COL5A3: variants seen among roughly 807,000 people sequenced by gnomAD.
COL5A3 encodes the protein collagen alpha-3(V) chain.
In COL5A3, 172 loss-of-function variants were observed where a neutral mutation model predicts 250.0. The ratio of observed to expected loss-of-function variants is 0.69; its 90% CI spans 0.61 to 0.78. COL5A3 has a LOEUF of 0.78. COL5A3 is among the 30% of genes least tolerant of loss of function. The pLI is 0.00. For synonymous variants in COL5A3, 937 were observed against 900.4 expected, an observed-to-expected ratio of 1.04 and a Z score of -0.73; for missense variants, 2,340 against 2,334.4, an observed-to-expected ratio of 1.00 and a Z score of -0.05.
In COL5A3 at chr19:9,960,732, G is replaced by A; in HGVS notation, c.5010C>T (p.Arg1670=). 1.2e-6 allele frequency: 2 copies of A among 1,614,112 alleles called. No individual in the cohort carries two copies. The highest frequency in any genetic ancestry group is 1.7e-6 in the Non-Finnish European group (2 of 1,180,036). ...GCTCCTCTCCATTGGTGCCAAGGAA[G>A]CGGGCGGAGTGGCTGTAGTCACCCG... ...EATGDYSHSA[R]FLGTNGEELS... The change falls in exon 66 of 67, where the codon CGC becomes CGT. Residue 1670 remains arginine, a synonymous_variant. Transcript: ENST00000264828.
rs752761129 is a variant in COL5A3, at chr19:9,969,661, G to A, written c.4012C>T (p.Pro1338Ser). 1.3e-6 allele frequency: 2 copies of A among 1,587,868 alleles called. No individual in the cohort carries two copies. Among genetic ancestry groups the A allele is most frequent in the Non-Finnish European group, 1.7e-6 (2 of 1,173,282 alleles). Residue 1338 changes from proline (P) to serine (S), a missense_variant, in exon 56 of 67, where the codon CCC (proline) becomes TCC (serine). Pro to Ser is a moderately conservative substitution (Grantham distance 74). This residue lies in a region of COL5A3 where 1,179 missense variants were observed against 1,162.6 expected (regional missense o/e 1.01). Coordinates refer to ENST00000264828, the MANE Select transcript of COL5A3 (RefSeq NM_015719.4). ...CCCATTGGACCCGTCCTCCCTGGGGGCCCATCAGGACCTGGCTCCCCCTGA... is the reference window on the plus strand; with the variant it reads ...CCCATTGGACCCGTCCTCCCTGGGGACCCATCAGGACCTGGCTCCCCCTGA... The part of the protein sequence containing the change: ...GAKGEPGPDG[P>S]PGRTGPMGAR...
rs1021348083 is a variant in COL5A3, at chr19:9,995,922, A to G, written c.1533+144T>C. On this transcript the variant is annotated intron_variant, in intron 15 of 66. Coordinates refer to ENST00000264828, the MANE Select transcript of COL5A3 (RefSeq NM_015719.4). ...GCCTCCCAAAGTTCTGGGATTCCAG[A>G]TGTGAGCCACCATTCTCTAGGAAAG... The G allele has an allele frequency of 8.0e-6, 7 of 874,396 alleles. No homozygotes were observed. In the African/African-American group the frequency reaches 1.0e-4, roughly 13 times the overall value. The allele number at this position is 874,396 out of a possible 1,614,324, so 54.2% of individuals were successfully genotyped here.
At chr19:9,981,033 TCCCAGC>T in intron 33 of COL5A3, 49 bp downstream of exon 33, 1 of 1,587,542 alleles carries the variant, frequency 6.3e-7, no homozygotes, top group Non-Finnish European at 8.6e-7. Flanking sequence ...TACCTTTCCT[TCCCAGC>T]CCTGTCCCCA....
chr19:9,973,532 T>A (rs749651148), intron 50 of COL5A3, 38 bp downstream of exon 50: 1 of 1,594,558 alleles, frequency 6.3e-7, no homozygotes, highest in Non-Finnish European at 8.5e-7. Flanking sequence ...AGGGGTTCCC[T>A]GAGTTGGGTG....
At chr19:9,971,180 G>A (rs1385763347) in intron 52 of COL5A3, 25 bp downstream of exon 52, 1 of 1,540,492 alleles carries the variant, frequency 6.5e-7, no homozygotes, top group Admixed American at 2.3e-5. Context: ...AAATATGCCA[G>A]GATTGGGGAG....
chr19:9,976,332 A>G (rs1474923679), intron 45 of COL5A3, among the ~76,000 whole-genome samples: 1 of 151,762 alleles, frequency 6.6e-6, no homozygotes, highest in Non-Finnish European at 1.5e-5. Flanking sequence ...ATTGAATCAG[A>G]TTCTGAGGGT....
intron 26 of COL5A3, 41 bp from the exon 27 acceptor site, chr19:9,989,218 T>C: frequency 6.2e-7 from 1 of 1,613,084 alleles, no homozygotes; most frequent in Non-Finnish European, 8.5e-7. Context: ...AGACAGTCCC[T>C]TCCACATTCT....
chr19:9,977,940 GCCTATA>G (rs2086946535), intron 41 of COL5A3, among the ~76,000 whole-genome samples: 1 of 100,156 alleles, frequency 1.0e-5, no homozygotes, highest in Non-Finnish European at 2.1e-5. Context: ...CCTCCTGGCA[GCCTATA>G]CATATATATA....
intron 1 of COL5A3, among the ~76,000 whole-genome samples, chr19:10,007,581 G>C (rs1004955234): frequency 7.9e-5 from 12 of 151,968 alleles, no homozygotes; most frequent in African/African-American, 2.9e-4. Flanking sequence ...CCAACCCTCA[G>C]CAAACTGTCC....
intron 13 of COL5A3, 58 bp downstream of exon 13, chr19:9,996,375 C>A: frequency 1.9e-6 from 3 of 1,586,786 alleles, no homozygotes; most frequent in Non-Finnish European, 2.6e-6. Context: ...CCCCTCCTTA[C>A]GCCGAGGCTC....
In COL5A3 at chr19:9,972,918, C is replaced by G; in HGVS notation, c.3774+1G>C. 1 of 1,605,190 alleles carries G rather than the reference C, an allele frequency of 6.2e-7. No homozygotes were observed. The highest frequency in any genetic ancestry group is 8.5e-7 in the Non-Finnish European group (1 of 1,175,892). On this transcript the variant is annotated splice_donor_variant, in intron 51 of 66. Coordinates refer to ENST00000264828, the MANE Select transcript of COL5A3 (RefSeq NM_015719.4). LOFTEE classifies it high-confidence loss of function. ...TGCCCCCACTTCCCCCCAGGACTCA[C>G]CACGCTCCCTTTGGCTCCATCCTCT...
At chr19:9,969,032 C>G in intron 57 of COL5A3, 1 of 581,472 alleles carries the variant, frequency 1.7e-6, no homozygotes, top group Non-Finnish European at 3.0e-6. Context: ...CAGTGTAGAC[C>G]ATCAAGGTGG....
intron 1 of COL5A3, among the ~76,000 whole-genome samples, chr19:10,006,488 A>G (rs533482333): frequency 9.9e-5 from 15 of 152,088 alleles, no homozygotes; most frequent in African/African-American, 3.4e-4. Context: ...GGTGAGAAAA[A>G]AAGTTGACCT....
intron 35 of COL5A3, 35 bp from the exon 36 acceptor site, chr19:9,980,082 C>G (rs11882346): frequency 3.6e-5 from 56 of 1,562,866 alleles, no homozygotes; most frequent in Admixed American, 7.9e-5. Flanking sequence ...TCTCATCCCC[C>G]CTGCCTCCCT....
At chr19:9,966,481 A>AC (rs993508361) in intron 63 of COL5A3, 55 bp from the exon 64 acceptor site, 629 of 1,551,484 alleles carry the variant, frequency 4.1e-4, no homozygotes, top group Admixed American at 7.0e-4. Flanking sequence ...ACGGACCCCA[A>AC]CCCCCCCCAC....
chr19:9,971,450 C>A (rs1249579775), intron 51 of COL5A3, among the ~76,000 whole-genome samples, 192 bp from the exon 52 acceptor site: 1 of 152,170 alleles, frequency 6.6e-6, no homozygotes, highest in Non-Finnish European at 1.5e-5. Context: ...AAGAATGCCG[C>A]ACGCATGGTC....
intron 51 of COL5A3, among the ~76,000 whole-genome samples, chr19:9,972,002 A>G (rs924943463): frequency 6.6e-6 from 1 of 152,196 alleles, no homozygotes; most frequent in African/African-American, 2.4e-5. Context: ...CCATCCATCC[A>G]TTCGTTTATT....
chr19:10,003,825 G>A (rs1316026687), intron 5 of COL5A3, 111 bp from the exon 6 acceptor site: 1 of 1,395,440 alleles, frequency 7.2e-7, no homozygotes, highest in African/African-American at 1.4e-5. Flanking sequence ...ACTCAGCCCT[G>A]TGACCTGGAG....
chr19:10,010,202 T>G, intron 1 of COL5A3, 96 bp downstream of exon 1: 1 of 653,186 alleles, frequency 1.5e-6, no homozygotes, highest in Non-Finnish European at 2.0e-6. Context: ...CCCACGCCCT[T>G]CCCCTCCACG....
Sources: allele counts gnomAD v4.1 joint callset (sites outside exome capture counted in the v4.1 genomes callset), GRCh38; gene constraint gnomAD v4.1.1; regional missense constraint gnomAD v4.1.1; transcripts MANE v1.5; gene names NCBI Gene and HGNC (gene_info 2026-07-23, HGNC 2026-07-21).